The following ZNF69 variants were observed in gnomAD, a reference collection of about 807,000 sequenced individuals.
The protein encoded by ZNF69 is ZNF3.
Under a neutral mutation model 50.9 loss-of-function variants are expected in ZNF69, and 47 were observed. That is an observed-to-expected ratio of 0.92 (90% CI 0.73 to 1.18). The LOEUF is 1.18. ZNF69 is among the 50% of genes most tolerant of loss of function. The pLI is 0.00. For synonymous variants in ZNF69, 216 were observed against 223.1 expected (o/e 0.97, Z 0.29); for missense variants, 717 against 675.1 (o/e 1.06, Z -0.69).
chr19:11,906,254 G>T lies in ZNF69; in HGVS notation c.*156G>T. Reference sequence around the variant, plus strand: ...CAAGCACACATAAGAATGCATTCTGGATAGCTGAACAAAAGGCAGCAGAAA... The same window carrying T: ...CAAGCACACATAAGAATGCATTCTGTATAGCTGAACAAAAGGCAGCAGAAA... On this transcript the variant is annotated 3_prime_UTR_variant, in exon 4 of 4. Transcript: ENST00000429654. 6.7e-7 allele frequency: 1 copy of T among 1,484,946 alleles called. No individual in the cohort carries two copies. The highest frequency in any genetic ancestry group is 8.9e-7 in the Non-Finnish European group (1 of 1,125,330). 92.0% of individuals were successfully genotyped at this position (1,484,946 alleles called of 1,614,324 possible). A position where few individuals can be genotyped will look rare whatever the true frequency, so the allele number is the denominator to read the frequency against.
chr19:11,947,421 G>A, the ZNF69 span: 584 of 1,600,882 alleles, frequency 3.6e-4, 2 homozygotes, highest in East Asian at 6.1e-3. Context: ...GAATAAATGA[G>A]GCATGGCTGC....
the ZNF69 span, among the ~76,000 whole-genome samples, chr19:11,967,932 C>A: frequency 5.9e-5 from 9 of 152,316 alleles, no homozygotes; most frequent in South Asian, 1.7e-3. Context: ...TACCTTTTAG[C>A]ACACAAGTGC....
intron 1 of ZNF69, among the ~76,000 whole-genome samples, chr19:11,900,451 C>G (rs1972220082): frequency 6.6e-6 from 1 of 151,234 alleles, no homozygotes; most frequent in Non-Finnish European, 1.5e-5. Flanking sequence ...CTCCTGGGTT[C>G]CAGCGATTCT....
chr19:11,904,857 TA>T lies in ZNF69; in HGVS notation c.461del (p.Tyr154LeufsTer59), dbSNP rs1408696446. 1.2e-6 allele frequency: 2 copies of T among 1,614,136 alleles called. No individual in the cohort carries two copies. The highest frequency in any genetic ancestry group is 4.5e-5 in the East Asian group (2 of 44,862). On this transcript the variant is annotated frameshift_variant, in exon 4 of 4. Transcript: ENST00000429654. LOFTEE classifies it high-confidence loss of function. ...NIRGDIGHKA[Y>X]EYQEYGPKPC... is the part of the protein sequence containing the mutation. ...CAGAGGTGACATTGGACACAAGGCC[TA>T]TGAGTATCAGGAATATGGACCGAAG...
the ZNF69 span, among the ~76,000 whole-genome samples, chr19:11,951,606 C>T: frequency 6.6e-6 from 1 of 152,124 alleles, no homozygotes; most frequent in South Asian, 2.1e-4. Context: ...CCCAAAACCA[C>T]CAGTGCCATA....
the ZNF69 span, among the ~76,000 whole-genome samples, chr19:11,939,096 G>A: frequency 1.3e-5 from 2 of 152,126 alleles, no homozygotes; most frequent in Non-Finnish European, 2.9e-5. Flanking sequence ...TTGTAAATTT[G>A]TTTAAGTTCT....
the ZNF69 span, among the ~76,000 whole-genome samples, chr19:11,962,376 CT>C: frequency 6.6e-6 from 1 of 152,176 alleles, no homozygotes; most frequent in Non-Finnish European, 1.5e-5. Context: ...CAATACAAGA[CT>C]TTCTGGTTTC....
Position 11,906,055 on chromosome 19 carries a change from G to C in ZNF69, c.1658G>C (p.Gly553Ala). ...GCTGCCTCAGTCCTTCGAATGCATG[G>C]TAGGACTCACCCTGAAGATAAACCC... is the stretch of plus-strand genomic sequence containing the variant. The part of the protein sequence containing the change: ...FRAASVLRMH[G>A]RTHPEDKPYE... The change falls in exon 4 of 4, where the codon GGT becomes GCT. Residue 553 changes from glycine to alanine, a missense_variant. Physicochemically the swap from Gly to Ala is moderately conservative, Grantham distance 60. Coordinates refer to ENST00000429654, the MANE Select transcript of ZNF69 (RefSeq NM_001364730.1). The C allele has an allele frequency of 6.2e-7, 1 of 1,613,022 alleles. No homozygotes were observed. Among genetic ancestry groups the C allele is most frequent in the Non-Finnish European group, 8.5e-7 (1 of 1,179,640 alleles).
chr19:11,974,697 G>A, the ZNF69 span, among the ~76,000 whole-genome samples: 2 of 152,080 alleles, frequency 1.3e-5, no homozygotes, highest in African/African-American at 4.8e-5. Flanking sequence ...CCACCTCCCA[G>A]ATTCAAACAA....
chr19:11,943,038 G>A, the ZNF69 span, among the ~76,000 whole-genome samples: 1 of 152,306 alleles, frequency 6.6e-6, no homozygotes, highest in Admixed American at 6.5e-5. Flanking sequence ...GGTGGACCAA[G>A]GTAGTGACAA....
chr19:11,932,277 A>G, the ZNF69 span, among the ~76,000 whole-genome samples: 52 of 147,992 alleles, frequency 3.5e-4, 4 homozygotes, highest in Non-Finnish European at 6.6e-4. Context: ...CTAGGAGTTC[A>G]AGGCTGCAGT....
At chr19:11,958,283 G>A in the ZNF69 span, among the ~76,000 whole-genome samples, 1 of 152,232 alleles carries the variant, frequency 6.6e-6, no homozygotes, top group South Asian at 2.1e-4. Context: ...GTGTTGTACA[G>A]GACCCAGGTC....
chr19:11,960,736 A>G, the ZNF69 span, among the ~76,000 whole-genome samples: 2 of 150,110 alleles, frequency 1.3e-5, no homozygotes, highest in Non-Finnish European at 3.0e-5. Context: ...TTTCTTTCTT[A>G]TTCTCATTTT....
intron 1 of ZNF69, among the ~76,000 whole-genome samples, chr19:11,892,389 G>A (rs530231538): frequency 2.0e-5 from 3 of 152,116 alleles, no homozygotes; most frequent in African/African-American, 4.8e-5. Context: ...CAACATTCCA[G>A]CTGAAGACAA....
the ZNF69 span, among the ~76,000 whole-genome samples, chr19:11,941,567 G>A: frequency 1.3e-5 from 2 of 152,322 alleles, no homozygotes; most frequent in Admixed American, 6.5e-5. Context: ...CCCAGGGCCA[G>A]CAGGGTCGGC....
At chr19:11,927,829 G>A in the ZNF69 span, among the ~76,000 whole-genome samples, 2 of 152,146 alleles carry the variant, frequency 1.3e-5, no homozygotes, top group Non-Finnish European at 2.9e-5. Flanking sequence ...TGTGATCATG[G>A]GTTGTGACTG....
chr19:11,974,272 CT>C, the ZNF69 span, among the ~76,000 whole-genome samples: 6 of 150,916 alleles, frequency 4.0e-5, no homozygotes, highest in South Asian at 1.3e-3. Flanking sequence ...TCTCAGCTCA[CT>C]GCTGCCTCTG....
In ZNF69 at chr19:11,905,472, C is replaced by A. The variant is rs995851368; in HGVS notation, c.1075C>A (p.Pro359Thr). The A allele has an allele frequency of 6.2e-7, 1 of 1,614,166 alleles. No homozygotes were observed. The highest frequency in any genetic ancestry group is 1.1e-5 in the South Asian group (1 of 91,080). The change falls in exon 4 of 4, where the codon CCT becomes ACT. Residue 359 changes from proline (P) to threonine (T), a missense_variant. Transcript: ENST00000429654. ...CATAAGAATGCACTCTGGAGAAAGA[C>A]CTTATGAATGTAAGATATGTGGGAA... ...THIRMHSGER[P>T]YECKICGKGF...
intron 1 of ZNF69, among the ~76,000 whole-genome samples, chr19:11,895,814 A>G (rs1293481498): frequency 6.6e-6 from 1 of 152,218 alleles, no homozygotes; most frequent in Non-Finnish European, 1.5e-5. Flanking sequence ...ATGGGTAGTA[A>G]ACTGATTATT....
Sources: allele counts gnomAD v4.1 joint callset (sites outside exome capture counted in the v4.1 genomes callset), GRCh38; gene constraint gnomAD v4.1.1; transcripts MANE v1.5; gene names NCBI Gene and HGNC (gene_info 2026-07-23, HGNC 2026-07-21).